The following TRAF7 variants were observed in gnomAD, a reference collection of about 807,000 sequenced individuals.
The protein encoded by TRAF7 is TNF receptor associated factor 7, also known as E3 ubiquitin-protein ligase TRAF7.
TRAF7 carries 45 observed loss-of-function variants against 89.3 expected under a neutral mutation model. The ratio of observed to expected loss-of-function variants is 0.50; its 90% CI spans 0.40 to 0.65. The LOEUF is 0.65. Among genes scored for constraint, TRAF7 ranks in the 30% least tolerant of loss-of-function variants. TRAF7 has a pLI of 0.00. For missense variants in TRAF7, 677 were observed against 918.1 expected, an observed-to-expected ratio of 0.74 and a Z score of 3.39; for synonymous variants, 406 against 369.2, an observed-to-expected ratio of 1.10 and a Z score of -1.14.
chr16:2,163,757 T>A lies in TRAF7; in HGVS notation c.-38-126T>A. Reference sequence around the variant, plus strand: ...AGAGGCCTGCCTGAGCCGGGGCTGGTGGTGGAAGGCTGCTGCGGCGGCCCC... The same window carrying A: ...AGAGGCCTGCCTGAGCCGGGGCTGGAGGTGGAAGGCTGCTGCGGCGGCCCC... On this transcript the variant is annotated intron_variant, in intron 1 of 20. Coordinates refer to ENST00000326181, the MANE Select transcript of TRAF7 (RefSeq NM_032271.3). This position sits in a 1 kb window ranked among gnomAD's most constrained non-coding sequence, Gnocchi z 4.3. 1 of 651,116 alleles carries A rather than the reference T, an allele frequency of 1.5e-6. No individual in the cohort carries two copies. The highest frequency in any genetic ancestry group is 1.8e-5 in the South Asian group (1 of 56,902). 40.3% of individuals were successfully genotyped at this position (651,116 alleles called of 1,614,324 possible). A position where few individuals can be genotyped will look rare whatever the true frequency, so the allele number is the denominator to read the frequency against.
intron 3 of TRAF7, among the ~76,000 whole-genome samples, chr16:2,166,754 T>C (rs1047862886): frequency 3.3e-5 from 5 of 152,222 alleles, no homozygotes; most frequent in African/African-American, 9.6e-5. Context: ...GACAGAAACC[T>C]GAAGCTTCCC....
At chr16:2,169,433 T>C (rs2141281877) in intron 4 of TRAF7, among the ~76,000 whole-genome samples, 1 of 152,246 alleles carries the variant, frequency 6.6e-6, no homozygotes, top group South Asian at 2.1e-4. Context: ...CCTCCATGTC[T>C]GTGGTTCCCA....
chr16:2,167,806 A>T (rs1346911746), intron 3 of TRAF7, among the ~76,000 whole-genome samples: 2 of 152,012 alleles, frequency 1.3e-5, no homozygotes, highest in Non-Finnish European at 2.9e-5. Context: ...TGCCTGGGGT[A>T]GGCAGGGCTG....
At position 2,170,738 on chromosome 16, in the gene TRAF7, TG is replaced by T; in HGVS notation, c.348+13del. On this transcript the variant is annotated intron_variant, in intron 5 of 20. Transcript: ENST00000326181. The stretch of plus-strand genomic sequence containing the variant: ...GAGGAGGAGGAGGAGCCGGTAGGTG[TG>T]GGGGACTCGGCGCAGAGCGGCTTCC... 6.3e-7 allele frequency: 1 copy of T among 1,592,930 alleles called. No homozygotes were observed.
chr16:2,172,981 G>A (rs1021213280), intron 9 of TRAF7, among the ~76,000 whole-genome samples: 6 of 152,158 alleles, frequency 3.9e-5, no homozygotes, highest in Non-Finnish European at 7.4e-5. Flanking sequence ...AGAGCTCTGC[G>A]GGGGTGACGT....
chr16:2,169,878 G>T (rs1047377307), intron 4 of TRAF7, among the ~76,000 whole-genome samples: 1 of 152,192 alleles, frequency 6.6e-6, no homozygotes, highest in African/African-American at 2.4e-5. Context: ...CCAGAGGCTC[G>T]GCAGAGCAGC....
At chr16:2,176,001 C>G (rs764488087) in intron 18 of TRAF7, 48 bp downstream of exon 18, 1 of 1,611,270 alleles carries the variant, frequency 6.2e-7, no homozygotes, top group Non-Finnish European at 8.5e-7. Context: ...GCCCCGTCTC[C>G]CCCGCCTTGC....
At chr16:2,165,771 G>T in intron 2 of TRAF7, 108 bp from the exon 3 acceptor site, 1 of 1,277,756 alleles carries the variant, frequency 7.8e-7, no homozygotes. Context: ...GTGTGTGAGT[G>T]CTGCGTGGCC....
intron 9 of TRAF7, 80 bp from the exon 10 acceptor site, chr16:2,173,102 G>A (rs1216783384): frequency 4.4e-6 from 6 of 1,374,186 alleles, no homozygotes; most frequent in South Asian, 1.2e-5. Flanking sequence ...CCACAGGGCT[G>A]GAGCATTTGA....
chr16:2,175,004 C>A, intron 14 of TRAF7, 107 bp from the exon 15 acceptor site: 1 of 1,385,498 alleles, frequency 7.2e-7, no homozygotes, highest in Non-Finnish European at 1.0e-6. Context: ...TGGCCCTGGG[C>A]CATGCTGCTG....
Position 2,169,867 on chromosome 16 carries a change from G to A in TRAF7, c.232-747G>A, listed in dbSNP as rs148781355. ...TCATACCCAGGCTGCCGGGAAGGGG[G>A]CCAGAGGCTCGGCAGAGCAGCAGCT... On this transcript the variant is annotated intron_variant, in intron 4 of 20. Coordinates refer to ENST00000326181, the MANE Select transcript of TRAF7 (RefSeq NM_032271.3). Among the ~76,000 whole-genome samples the A allele has an allele frequency of 1.1e-4, 16 of 152,318 alleles. 1 individual carries two copies. The highest frequency in any genetic ancestry group is 3.9e-4 in the African/African-American group (16 of 41,558).
rs368139413 is a variant in TRAF7 at position 2,173,790 on chromosome 16, C to T, written c.1089C>T (p.Asp363=). 163 of 1,610,436 alleles carry T rather than the reference C, an allele frequency of 1.0e-4. No individual in the cohort carries two copies. In the Admixed American group the frequency reaches 1.1e-3, roughly 11 times the overall value. ...CTGCCCTGCCCTTGGCCCTGCAGGA[C>T]GAGCTGTCCCACATCAACGCGCGGC... is the stretch of plus-strand genomic sequence containing the variant. ...EFRRDASMLN[D]ELSHINARLN... is the part of the protein sequence containing the mutation. The change falls in exon 12 of 21, where the codon GAC becomes GAT. Residue 363 remains aspartate, a splice_region_variant and synonymous_variant. Coordinates refer to ENST00000326181, the MANE Select transcript of TRAF7 (RefSeq NM_032271.3).
chr16:2,156,114 T>G (rs2093033041), intron 1 of TRAF7, among the ~76,000 whole-genome samples: 1 of 152,136 alleles, frequency 6.6e-6, no homozygotes, highest in Non-Finnish European at 1.5e-5. Flanking sequence ...TCCTTCTTCC[T>G]GCATTCCCCG....
At position 2,170,177 on chromosome 16, in the gene TRAF7, G is replaced by T. The variant is rs2093102415; in HGVS notation, c.232-437G>T. 2.6e-5 allele frequency among the ~76,000 whole-genome samples: 4 copies of T among 152,324 alleles called. No individual in the cohort carries two copies. In the South Asian group the frequency reaches 8.3e-4, roughly 32 times the overall value. ...GGCCAGACAAGCAGCCAGGCCCGGG[G>T]GGCACCTGGAGCCCAGCCGTCGCTC... On this transcript the variant is annotated intron_variant, in intron 4 of 20. Transcript: ENST00000326181.
chr16:2,172,186 C>G lies in TRAF7; in HGVS notation c.476-5C>G. 6.2e-7 allele frequency: 1 copy of G among 1,612,948 alleles called. No homozygotes were observed. The highest frequency in any genetic ancestry group is 8.5e-7 in the Non-Finnish European group (1 of 1,179,936). ...CGTGAGGGTCAGCACGCCCTCCTCT[C>G]CCAGAGAAGTGTCCCGTGGACAACG... On this transcript the variant is annotated splice_region_variant and splice_polypyrimidine_tract_variant and intron_variant, in intron 7 of 20. Coordinates refer to ENST00000326181, the MANE Select transcript of TRAF7 (RefSeq NM_032271.3).
In TRAF7 at chr16:2,176,996, T is replaced by C. The variant is rs1456927613; in HGVS notation, c.*422T>C. The C allele has an allele frequency of 2.6e-6, 1 of 380,478 alleles. No homozygotes were observed. The highest frequency in any genetic ancestry group is 4.9e-6 in the Non-Finnish European group (1 of 202,228). The allele number at this position is 380,478 out of a possible 1,614,324, so 23.6% of individuals were successfully genotyped here. A position where few individuals can be genotyped will look rare whatever the true frequency, so the allele number is the denominator to read the frequency against. On this transcript the variant is annotated 3_prime_UTR_variant, in exon 21 of 21. Transcript: ENST00000326181. ...GGGCTGTGTGTGGCCTTGAGGTTGGTGTGCACAGGCACTGGCTGCTGTGAG... is the reference window on the plus strand; with the variant it reads ...GGGCTGTGTGTGGCCTTGAGGTTGGCGTGCACAGGCACTGGCTGCTGTGAG...
intron 1 of TRAF7, among the ~76,000 whole-genome samples, chr16:2,156,143 C>T (rs1308427458): frequency 6.6e-6 from 1 of 152,124 alleles, no homozygotes; most frequent in Non-Finnish European, 1.5e-5. Flanking sequence ...GGGTGCCAGG[C>T]ACTGTTCTGG....
rs1429173647 is a variant in TRAF7 at position 2,163,521 on chromosome 16, C to T, written c.-38-362C>T. The T allele has an allele frequency of 7.4e-6, 2 of 270,624 alleles. No individual in the cohort carries two copies. The highest frequency in any genetic ancestry group is 4.6e-5 in the African/African-American group (2 of 43,630). 16.8% of individuals were successfully genotyped at this position (270,624 alleles called of 1,614,324 possible). ...CTACCCACCAAGGCCCAGCCTTGGC[C>T]CCAGGGACATTCAGCCTGGAGGTGA... On this transcript the variant is annotated intron_variant, in intron 1 of 20. Transcript: ENST00000326181. The surrounding 1 kb of genome is among the most constrained non-coding windows in gnomAD (Gnocchi z 4.3).
intron 12 of TRAF7, 27 bp downstream of exon 12, chr16:2,173,863 G>GCCCCCCCCC: frequency 1.1e-6 from 1 of 894,630 alleles, no homozygotes. Flanking sequence ...CGTGGCTCCC[G>GCCCCCCCCC]CCCACCCTCC....
Sources: allele counts gnomAD v4.1 joint callset (sites outside exome capture counted in the v4.1 genomes callset), GRCh38; gene constraint gnomAD v4.1.1; non-coding constraint Gnocchi (gnomAD v3.1); transcripts MANE v1.5; gene names NCBI Gene and HGNC (gene_info 2026-07-23, HGNC 2026-07-21).